The following PTN variants were observed in gnomAD, a reference collection of about 807,000 sequenced individuals.
PTN encodes heparin affin regulatory protein.
Under a neutral mutation model 24.1 loss-of-function variants are expected in PTN, and 18 were observed. That is an observed-to-expected ratio of 0.75 (90% CI 0.52 to 1.11). PTN has a LOEUF of 1.11. Among genes scored for constraint, PTN ranks in the 50% least tolerant of loss-of-function variants. The pLI is 0.00. For missense variants in PTN, 163 were observed against 198.8 expected (o/e 0.82, Z 1.08); for synonymous variants, 78 against 68.6 (o/e 1.14, Z -0.67).
rs568904707 is a variant in PTN at position 137,227,820 on chromosome 7, C to A, written c.*200G>T. 2.4e-5 allele frequency: 10 copies of A among 421,616 alleles called. 1 individual carries two copies. The South Asian group carries it at 7.9e-4, about 33-fold the overall frequency. The allele number at this position is 421,616 out of a possible 1,614,324, so 26.1% of individuals were successfully genotyped here. ...TCAACTTCCTAAATAAGATTACAGT[C>A]CTTTATTATAAGCCCCTACTGGTAC... On this transcript the variant is annotated 3_prime_UTR_variant, in exon 5 of 5. Transcript: ENST00000348225.
At chr7:137,271,959 C>A (rs1019171961) in intron 1 of PTN, among the ~76,000 whole-genome samples, 1 of 152,202 alleles carries the variant, frequency 6.6e-6, no homozygotes, top group Non-Finnish European at 1.5e-5. Context: ...CCCATAATAT[C>A]TTTTCTCAAT....
At position 137,287,931 on chromosome 7, in the gene PTN, T is replaced by C. The variant is rs537042704; in HGVS notation, c.-1-32957A>G. On this transcript the variant is annotated intron_variant, in intron 1 of 4. Coordinates refer to ENST00000348225, the MANE Select transcript of PTN (RefSeq NM_002825.7). ...ATGATAATCACTTTCAACACTTGAG[T>C]TCCCCTAGAAAACCAACCAGAAAAA... 2.6e-5 allele frequency among the ~76,000 whole-genome samples: 4 copies of C among 152,306 alleles called. No homozygotes were observed. In the South Asian group the frequency reaches 8.3e-4, roughly 32 times the overall value.
At chr7:137,262,720 GGGCTGT>G (rs1189271525) in intron 1 of PTN, among the ~76,000 whole-genome samples, 1 of 152,174 alleles carries the variant, frequency 6.6e-6, no homozygotes, top group East Asian at 1.9e-4. Flanking sequence ...GTATGTGACG[GGGCTGT>G]GAGCACCGAT....
rs139830974 is a variant in PTN, at chr7:137,332,042, A to G, written c.-2+11397T>C. On this transcript the variant is annotated intron_variant, in intron 1 of 4. Transcript: ENST00000348225. ...TTTTTTATGATTCTAATTTACCCATACCGAGCTAAATAAATTGAATTTCCA... is the reference window on the plus strand; with the variant it reads ...TTTTTTATGATTCTAATTTACCCATGCCGAGCTAAATAAATTGAATTTCCA... Among the ~76,000 whole-genome samples, 1,287 of 152,322 alleles carry G rather than the reference A, an allele frequency of 8.4e-3. 11 individuals carry two copies. Among genetic ancestry groups the G allele is most frequent in the Non-Finnish European group, 0.014 (947 of 68,022 alleles).
intron 1 of PTN, among the ~76,000 whole-genome samples, chr7:137,329,974 T>C (rs1387220885): frequency 1.1e-4 from 16 of 152,154 alleles, no homozygotes; most frequent in Non-Finnish European, 1.5e-5. Flanking sequence ...TAGCTTCTTA[T>C]GGAAACCTCC....
intron 1 of PTN, among the ~76,000 whole-genome samples, chr7:137,301,413 A>G (rs1380778767): frequency 6.6e-6 from 1 of 151,972 alleles, no homozygotes. Flanking sequence ...ATCATGGACA[A>G]CTATGACAGG....
intron 4 of PTN, among the ~76,000 whole-genome samples, chr7:137,245,736 TGGA>T (rs1246206496): frequency 2.6e-5 from 4 of 152,094 alleles, no homozygotes; most frequent in Non-Finnish European, 4.4e-5. Flanking sequence ...GGACAAGATG[TGGA>T]GGTGGAAGAC....
intron 1 of PTN, among the ~76,000 whole-genome samples, chr7:137,263,860 C>T (rs1430204969): frequency 6.6e-6 from 1 of 151,996 alleles, no homozygotes; most frequent in Non-Finnish European, 1.5e-5. Context: ...GCCGTCCAGT[C>T]CCGGTGGGAT....
In PTN at chr7:137,231,766, A is replaced by G. The variant is rs141387557; in HGVS notation, c.452-3691T>C. Among the ~76,000 whole-genome samples, 724 of 152,102 alleles carry G rather than the reference A, an allele frequency of 4.8e-3. 7 individuals are homozygous for G. The highest frequency in any genetic ancestry group is 0.017 in the African/African-American group (695 of 41,532). Reference sequence around the variant, plus strand: ...TTAGAATCTTGTCAAATTTCAGTCTATCTTTAAAGACAAATATTTTATGAA... The same window carrying G: ...TTAGAATCTTGTCAAATTTCAGTCTGTCTTTAAAGACAAATATTTTATGAA... On this transcript the variant is annotated intron_variant, in intron 4 of 4. Transcript: ENST00000348225.
chr7:137,325,710 A>G (rs1810248245), intron 1 of PTN: 1 of 152,236 alleles, frequency 6.6e-6, no homozygotes, highest in South Asian at 2.1e-4. Context: ...CTGCAGAAAT[A>G]ATGACTCCAT....
At chr7:137,315,623 C>T (rs1000455861) in intron 1 of PTN, among the ~76,000 whole-genome samples, 19 of 152,146 alleles carry the variant, frequency 1.2e-4, no homozygotes, top group African/African-American at 4.6e-4. Flanking sequence ...TTCGAACACC[C>T]AGGATCTTAA....
chr7:137,336,868 C>T (rs1204613761), intron 1 of PTN, among the ~76,000 whole-genome samples: 1 of 152,174 alleles, frequency 6.6e-6, no homozygotes, highest in Non-Finnish European at 1.5e-5. Context: ...TCAATTACTA[C>T]TCAGACGTCA....
At chr7:137,305,308 G>C (rs1337652713) in intron 1 of PTN, among the ~76,000 whole-genome samples, 1 of 151,974 alleles carries the variant, frequency 6.6e-6, no homozygotes, top group Non-Finnish European at 1.5e-5. Flanking sequence ...TTTATCATAT[G>C]AATGCTGGCT....
intron 4 of PTN, among the ~76,000 whole-genome samples, chr7:137,248,104 GATA>G (rs1808756022): frequency 6.6e-6 from 1 of 152,146 alleles, no homozygotes; most frequent in Non-Finnish European, 1.5e-5. Context: ...ACTGAATAAT[GATA>G]ATGATAGTAT....
chr7:137,269,657 G>A (rs1218671982), intron 1 of PTN, among the ~76,000 whole-genome samples: 8 of 103,848 alleles, frequency 7.7e-5, no homozygotes, highest in South Asian at 2.9e-4. Flanking sequence ...TTTTTGAGAC[G>A]GAATCTTGCT....
chr7:137,328,225 C>G (rs1348859194), intron 1 of PTN, among the ~76,000 whole-genome samples: 2 of 152,106 alleles, frequency 1.3e-5, no homozygotes, highest in Admixed American at 6.5e-5. Context: ...TCTTGTAATC[C>G]TGGGGTTCCT....
intron 1 of PTN, among the ~76,000 whole-genome samples, chr7:137,273,946 T>C (rs1172830618): frequency 6.6e-6 from 1 of 152,180 alleles, no homozygotes; most frequent in African/African-American, 2.4e-5. Flanking sequence ...TTTAGGTACT[T>C]CAGCTCACTT....
chr7:137,261,865 C>T (rs1238023483), intron 1 of PTN, among the ~76,000 whole-genome samples: 1 of 152,162 alleles, frequency 6.6e-6, no homozygotes, highest in Non-Finnish European at 1.5e-5. Context: ...GCTTTCTCTG[C>T]ATGTGGGGCA....
chr7:137,279,613 T>G (rs148280664), intron 1 of PTN, among the ~76,000 whole-genome samples: 1 of 152,278 alleles, frequency 6.6e-6, no homozygotes, highest in Non-Finnish European at 1.5e-5. Flanking sequence ...TGCTGGAGCA[T>G]CCATGAGAAA....
Sources: allele counts gnomAD v4.1 joint callset (sites outside exome capture counted in the v4.1 genomes callset), GRCh38; gene constraint gnomAD v4.1.1; transcripts MANE v1.5; gene names NCBI Gene and HGNC (gene_info 2026-07-23, HGNC 2026-07-21).